The following CADPS2 variants were observed in gnomAD, a reference collection of about 807,000 sequenced individuals.
CADPS2 encodes the protein calcium dependent secretion activator 2.
Under a neutral mutation model 172.5 loss-of-function variants are expected in CADPS2, and 93 were observed. The ratio of observed to expected loss-of-function variants is 0.54; its 90% CI spans 0.46 to 0.64. The LOEUF (loss-of-function observed/expected upper bound fraction) is 0.64, where lower values mean the gene tolerates loss of function less well. Ranked by LOEUF, CADPS2 falls within the 30% of genes least tolerant of loss-of-function variation. CADPS2 has a pLI of 0.00. For missense variants in CADPS2, 1,420 were observed against 1,565.9 expected (o/e 0.91, Z 1.57); for synonymous variants, 546 against 555.2 (o/e 0.98, Z 0.23).
chr7:122,367,295 C>CGA (rs201686419), intron 25 of CADPS2, among the ~76,000 whole-genome samples: 4 of 150,382 alleles, frequency 2.7e-5, no homozygotes, highest in African/African-American at 7.3e-5. Flanking sequence ...AGAGAGAAAG[C>CGA]GAGAGAGAGA....
At position 122,602,575 on chromosome 7, in the gene CADPS2, T is replaced by C. The variant is rs575402889; in HGVS notation, c.1223+12606A>G. On this transcript the variant is annotated intron_variant, in intron 6 of 29. Transcript: ENST00000449022. ...ACTGGTCTTGAAATATCAATCAGAG[T>C]TCCTAGGCAGAGAAAGATCAGGGAG... Among the ~76,000 whole-genome samples, 239 of 151,960 alleles carry C rather than the reference T, an allele frequency of 1.6e-3. 1 individual carries two copies. The highest frequency in any genetic ancestry group is 4.6e-3 in the African/African-American group (190 of 41,490).
At chr7:122,343,576 T>A (rs117741997) in intron 28 of CADPS2, among the ~76,000 whole-genome samples, 191 of 152,320 alleles carry the variant, frequency 1.3e-3, no homozygotes, top group Non-Finnish European at 2.3e-3. Context: ...ATGGCAAGAA[T>A]GGATTGCAGT....
intron 24 of CADPS2, among the ~76,000 whole-genome samples, chr7:122,382,736 C>T (rs1459736938): frequency 1.3e-5 from 2 of 151,922 alleles, no homozygotes. Flanking sequence ...GGAGGATCGC[C>T]TGAGCCTGAG....
At position 122,777,926 on chromosome 7, in the gene CADPS2, G is replaced by A. The variant is rs137924027; in HGVS notation, c.340-40858C>T. On this transcript the variant is annotated intron_variant, in intron 1 of 29. Coordinates refer to ENST00000449022, the MANE Select transcript of CADPS2 (RefSeq NM_017954.11). Reference sequence around the variant, plus strand: ...GAGTGGGGTGCTGCTATAACGATACGCAAAAATGTGAACTTGACTTTGGAA... The same window carrying A: ...GAGTGGGGTGCTGCTATAACGATACACAAAAATGTGAACTTGACTTTGGAA... 6.6e-5 allele frequency among the ~76,000 whole-genome samples: 10 copies of A among 152,208 alleles called. No individual in the cohort carries two copies. In the East Asian group the frequency reaches 1.2e-3, roughly 18 times the overall value.
intron 2 of CADPS2, among the ~76,000 whole-genome samples, chr7:122,693,630 G>A (rs534553554): frequency 6.6e-6 from 1 of 152,278 alleles, no homozygotes; most frequent in Admixed American, 6.5e-5. Flanking sequence ...GTGCAGCCAA[G>A]GTTTTGAAGT....
intron 9 of CADPS2, among the ~76,000 whole-genome samples, 199 bp downstream of exon 9, chr7:122,513,050 T>C (rs2060116476): frequency 6.6e-6 from 1 of 152,212 alleles, no homozygotes; most frequent in Admixed American, 6.5e-5. Flanking sequence ...CTTATTTCAC[T>C]AAATTGTTTG....
intron 2 of CADPS2, chr7:122,698,456 T>G: frequency 6.2e-7 from 1 of 1,613,910 alleles, no homozygotes; most frequent in East Asian, 2.2e-5. Flanking sequence ...AAGTTACCAA[T>G]CATAACCACA....
chr7:122,850,158 T>C (rs2141079156), intron 1 of CADPS2: 1 of 1,147,550 alleles, frequency 8.7e-7, no homozygotes, highest in East Asian at 2.9e-5. Context: ...GGCGTATCTG[T>C]GGCTTCCCAC....
chr7:122,660,047 A>T (rs2080346023), intron 3 of CADPS2, among the ~76,000 whole-genome samples: 1 of 152,226 alleles, frequency 6.6e-6, no homozygotes, highest in Non-Finnish European at 1.5e-5. Flanking sequence ...AGAAATTTGA[A>T]TCTACATAAA....
intron 27 of CADPS2, among the ~76,000 whole-genome samples, chr7:122,359,050 A>G (rs1339359476): frequency 1.3e-5 from 2 of 152,142 alleles, no homozygotes; most frequent in African/African-American, 2.4e-5. Context: ...CTCATCATGT[A>G]TGTCCAGGAT....
chr7:122,658,368 G>A (rs954062556), intron 3 of CADPS2, among the ~76,000 whole-genome samples: 6 of 57,462 alleles, frequency 1.0e-4, no homozygotes, highest in African/African-American at 1.3e-4. Flanking sequence ...AATACCATTC[G>A]ACCAGCCATC....
At chr7:122,613,326 C>T (rs2074509223) in intron 6 of CADPS2, among the ~76,000 whole-genome samples, 1 of 152,010 alleles carries the variant, frequency 6.6e-6, no homozygotes, top group Admixed American at 6.6e-5. Context: ...CTTGAGAAAA[C>T]AGAAATGGGC....
intron 8 of CADPS2, among the ~76,000 whole-genome samples, chr7:122,520,201 A>G (rs1158257419): frequency 6.6e-6 from 1 of 152,086 alleles, no homozygotes; most frequent in African/African-American, 2.4e-5. Flanking sequence ...TTTTAGTACC[A>G]ATAAAATGGT....
chr7:122,510,752 T>C (rs756155374), intron 9 of CADPS2, among the ~76,000 whole-genome samples: 18 of 152,192 alleles, frequency 1.2e-4, no homozygotes, highest in Non-Finnish European at 2.6e-4. Flanking sequence ...TGTGTGTGGA[T>C]AGAATCAGAG....
intron 1 of CADPS2, among the ~76,000 whole-genome samples, chr7:122,781,670 A>G (rs1792769743): frequency 6.6e-6 from 1 of 152,140 alleles, no homozygotes; most frequent in Non-Finnish European, 1.5e-5. Context: ...GTTCAGTTCT[A>G]TTATATACAA....
chr7:122,738,570 T>C (rs1489795489), intron 1 of CADPS2, among the ~76,000 whole-genome samples: 1 of 152,102 alleles, frequency 6.6e-6, no homozygotes, highest in Non-Finnish European at 1.5e-5. Context: ...TACAGAGGGA[T>C]GTGAAGCATC....
intron 15 of CADPS2, among the ~76,000 whole-genome samples, chr7:122,447,089 T>C (rs2052350301): frequency 6.9e-6 from 1 of 145,638 alleles, no homozygotes; most frequent in Admixed American, 7.0e-5. Context: ...ACAAAATTCC[T>C]GTCCCTTCCT....
At chr7:122,710,954 T>C (rs2088605484) in intron 2 of CADPS2, among the ~76,000 whole-genome samples, 1 of 152,162 alleles carries the variant, frequency 6.6e-6, no homozygotes, top group African/African-American at 2.4e-5. Flanking sequence ...TCAAGGTCCC[T>C]GACAAAATGT....
intron 1 of CADPS2, among the ~76,000 whole-genome samples, chr7:122,745,803 A>T (rs2092698367): frequency 1.3e-5 from 2 of 152,070 alleles, no homozygotes; most frequent in Non-Finnish European, 2.9e-5. Context: ...AAGTCGGTTT[A>T]TCATGCAATA....
Sources: gnomAD v4.1 joint callset for allele counts (sites outside exome capture counted in the v4.1 genomes callset) on GRCh38, gnomAD v4.1.1 for gene constraint, MANE v1.5 for transcripts, NCBI Gene and HGNC (gene_info 2026-07-23, HGNC 2026-07-21) for gene names.